Variants in CAPN13 observed in about 807,000 individuals in gnomAD.
CAPN13 encodes the protein calpain 13, also known as calpain-13.
A neutral mutation model predicts 98.4 loss-of-function variants in CAPN13; 90 were observed. The observed-to-expected ratio is 0.92, with a 90% CI of 0.77 to 1.09. CAPN13 has a LOEUF of 1.09. CAPN13 is among the 50% of genes least tolerant of loss of function. The pLI is 0.00. For synonymous variants in CAPN13, 330 were observed against 305.5 expected (o/e 1.08, Z -0.84); for missense variants, 887 against 841.3 (o/e 1.05, Z -0.67).
chr2:30,761,175 G>T (rs1463599667), intron 7 of CAPN13, among the ~76,000 whole-genome samples: 2 of 152,188 alleles, frequency 1.3e-5, no homozygotes, highest in African/African-American at 4.8e-5. Flanking sequence ...CATTTTCATA[G>T]AGGCTAGTGC....
At chr2:30,806,107 T>C (rs1675608539) in intron 1 of CAPN13, 1 of 152,138 alleles carries the variant, frequency 6.6e-6, no homozygotes, top group African/African-American at 2.4e-5. Flanking sequence ...CATAGCATCT[T>C]TTCTTCTAAG....
chr2:30,781,605 C>G (rs1193679625), intron 2 of CAPN13, among the ~76,000 whole-genome samples: 1 of 152,176 alleles, frequency 6.6e-6, no homozygotes, highest in African/African-American at 2.4e-5. Flanking sequence ...ACTCCTTGAG[C>G]TGAGACACTG....
Position 30,738,440 on chromosome 2 carries a change from G to A in CAPN13, c.1554C>T (p.Ala518=), listed in dbSNP as rs1671489167. The A allele has an allele frequency of 1.9e-6, 3 of 1,605,760 alleles. No individual in the cohort carries two copies. The highest frequency in any genetic ancestry group is 1.3e-5 in the African/African-American group (1 of 74,896). The change falls in exon 16 of 23, where the codon GCC becomes GCT. Residue 518 remains alanine (A), a synonymous_variant. Transcript: ENST00000295055. ...GGTTGAGAAGGCCCTGAAGCTGGGT[G>A]GCATCAATGTCCAGCCTCTGATCCA... ...RYAQQRLDID[A]TQLQGLLNQE...
rs1326367226 is a variant in CAPN13, at chr2:30,787,276, T to C, written c.50A>G (p.Lys17Arg). 6.2e-7 allele frequency: 1 copy of C among 1,613,366 alleles called. No homozygotes were observed. Among genetic ancestry groups the C allele is most frequent in the African/African-American group, 1.3e-5 (1 of 74,928 alleles). Reference protein sequence around the residue: ...PSVETSIIKFKDQDFTTLRDH... With the variant: ...PSVETSIIKFRDQDFTTLRDH... ...CCGCAAGGTGGTAAAGTCCTGGTCT[T>C]TGAACTTGATGATGGAGGTCTCCAC... Residue 17 changes from lysine (K) to arginine (R), a missense_variant, in exon 2 of 23, where the codon AAA becomes AGA. Coordinates refer to ENST00000295055, the MANE Select transcript of CAPN13 (RefSeq NM_144575.3).
intron 1 of CAPN13, among the ~76,000 whole-genome samples, chr2:30,801,603 T>A (rs1675276035): frequency 8.5e-6 from 1 of 118,154 alleles, no homozygotes. Context: ...AGACTCAGTC[T>A]TAAAAAAAAA....
intron 1 of CAPN13, among the ~76,000 whole-genome samples, chr2:30,800,120 G>GAAAGA (rs1553322207): frequency 4.0e-4 from 28 of 70,836 alleles, no homozygotes; most frequent in East Asian, 1.0e-3. Context: ...AGAAAGAAAA[G>GAAAGA]AAAGAAAGAA....
At chr2:30,751,061 C>A (rs1320325047) in intron 11 of CAPN13, 42 bp downstream of exon 11, 1 of 1,603,812 alleles carries the variant, frequency 6.2e-7, no homozygotes, top group African/African-American at 1.3e-5. Context: ...AAGGTTTACA[C>A]TAAATTTCTA....
At chr2:30,804,918 T>TTCAGCA (rs1675519598) in intron 1 of CAPN13, among the ~76,000 whole-genome samples, 1 of 152,220 alleles carries the variant, frequency 6.6e-6, no homozygotes, top group Non-Finnish European at 1.5e-5. Flanking sequence ...CTGTACGCAG[T>TTCAGCA]GTTCAGCAGA....
intron 2 of CAPN13, among the ~76,000 whole-genome samples, chr2:30,781,112 G>A (rs536725640): frequency 3.9e-5 from 6 of 152,190 alleles, no homozygotes; most frequent in East Asian, 1.9e-4. Flanking sequence ...CAGAGATAGC[G>A]TTCAAGATTC....
At chr2:30,723,751 A>T (rs72613847) in intron 22 of CAPN13, among the ~76,000 whole-genome samples, 5,897 of 152,230 alleles carry the variant, frequency 0.039, 201 homozygotes, top group East Asian at 0.14. Context: ...TTTCTGCAAT[A>T]ATCAGCCAGC....
At chr2:30,744,704 A>C (rs1311631466) in intron 12 of CAPN13, among the ~76,000 whole-genome samples, 2 of 152,140 alleles carry the variant, frequency 1.3e-5, no homozygotes, top group Non-Finnish European at 2.9e-5. Context: ...GCTCAGTGGC[A>C]GTGAGAAGTG....
intron 22 of CAPN13, among the ~76,000 whole-genome samples, chr2:30,727,419 A>C (rs1468844605): frequency 9.2e-5 from 14 of 152,236 alleles, no homozygotes. Context: ...CACATATATA[A>C]GGAATTCGTA....
intron 15 of CAPN13, chr2:30,741,606 G>C: frequency 8.7e-7 from 1 of 1,154,550 alleles, no homozygotes; most frequent in Non-Finnish European, 1.1e-6. Context: ...ACGGGGTACT[G>C]CCAATTGCTT....
intron 13 of CAPN13, 48 bp downstream of exon 13, chr2:30,743,335 A>G (rs1671748851): frequency 2.0e-6 from 3 of 1,518,694 alleles, no homozygotes; most frequent in Non-Finnish European, 2.7e-6. Context: ...ATGTGTTTTT[A>G]TAAAGTTAAG....
intron 7 of CAPN13, among the ~76,000 whole-genome samples, chr2:30,759,022 TCTTCCTTCCCTCCCTCCCTC>T (rs1672650946): frequency 1.1e-5 from 1 of 90,726 alleles, no homozygotes; most frequent in Non-Finnish European, 2.2e-5. Context: ...CTGCTCCTAT[TCTTCCTTCCCTCCCTCCCTC>T]CTTCCTTCCT....
chr2:30,754,886 C>T (rs1672366333), intron 8 of CAPN13, among the ~76,000 whole-genome samples: 1 of 152,196 alleles, frequency 6.6e-6, no homozygotes, highest in South Asian at 2.1e-4. Context: ...CCCACTTTCC[C>T]ATCCGTTCCC....
chr2:30,793,869 T>C (rs763918553), intron 1 of CAPN13, among the ~76,000 whole-genome samples: 1 of 151,762 alleles, frequency 6.6e-6, no homozygotes, highest in Non-Finnish European at 1.5e-5. Flanking sequence ...CAACAGGATT[T>C]CTAAATGGGA....
At chr2:30,805,494 T>C (rs532101673) in intron 1 of CAPN13, among the ~76,000 whole-genome samples, 2 of 152,286 alleles carry the variant, frequency 1.3e-5, no homozygotes, top group Admixed American at 6.5e-5. Flanking sequence ...TAAAATAATG[T>C]CAACAATAAT....
intron 1 of CAPN13, among the ~76,000 whole-genome samples, chr2:30,799,220 C>T (rs1237010100): frequency 3.3e-5 from 5 of 152,062 alleles, no homozygotes; most frequent in Non-Finnish European, 7.4e-5. Flanking sequence ...GGGAAGAAGA[C>T]AGAAAATTTT....
Sources: allele counts gnomAD v4.1 joint callset (sites outside exome capture counted in the v4.1 genomes callset), GRCh38; gene constraint gnomAD v4.1.1; transcripts MANE v1.5; gene names NCBI Gene and HGNC (gene_info 2026-07-23, HGNC 2026-07-21).